FAM135B: variants seen among roughly 807,000 people sequenced by gnomAD.
FAM135B encodes family with sequence similarity 135 member B, also known as protein FAM135B.
A neutral mutation model predicts 127.7 loss-of-function variants in FAM135B; 43 were observed. The ratio of observed to expected loss-of-function variants is 0.34; its 90% CI spans 0.26 to 0.43. FAM135B has a LOEUF of 0.43. Ranked by LOEUF, FAM135B falls within the 20% of genes least tolerant of loss-of-function variation. The probability of loss-of-function intolerance (pLI) is 1.00; values close to 1 mark genes in which losing one functional copy is unlikely to be tolerated. For synonymous variants in FAM135B, 670 were observed against 665.1 expected (o/e 1.01, Z -0.11); for missense variants, 1,558 against 1,725.6 (o/e 0.90, Z 1.72).
intron 6 of FAM135B, among the ~76,000 whole-genome samples, chr8:138,250,600 A>G (rs1328295639): frequency 6.6e-6 from 1 of 152,154 alleles, no homozygotes; most frequent in Non-Finnish European, 1.5e-5. Context: ...CCAGACTCCA[A>G]GTCTTCCTGG....
At chr8:138,137,098 T>C (rs2130536962) in intron 19 of FAM135B, 49 bp downstream of exon 19, 1 of 962,162 alleles carries the variant, frequency 1.0e-6, no homozygotes, top group Non-Finnish European at 1.7e-6. Context: ...GAATTTACTT[T>C]TGCTTTTCAA....
chr8:138,392,911 G>A lies in FAM135B; in HGVS notation c.-19-24909C>T, dbSNP rs559271568. ...ATACTCCTTAATCGGTGTTGTATTA[G>A]TCTGTTTTCATGCTGCTGATAAAGG... On this transcript the variant is annotated intron_variant, in intron 1 of 19. Coordinates refer to ENST00000395297, the MANE Select transcript of FAM135B (RefSeq NM_015912.4). Among the ~76,000 whole-genome samples, 203 of 152,270 alleles carry A rather than the reference G, an allele frequency of 1.3e-3. 1 individual carries two copies. The highest frequency in any genetic ancestry group is 2.2e-3 in the Non-Finnish European group (152 of 68,026).
At position 138,141,457 on chromosome 8, in the gene FAM135B, G is replaced by A. The variant is rs1817140202; in HGVS notation, c.3639-108C>T. ...CATTGTTCTCCACCTCCCACTGAAT[G>A]TAGGGGAACTGGCAAAGAGAACAGG... On this transcript the variant is annotated intron_variant, in intron 16 of 19. Coordinates refer to ENST00000395297, the MANE Select transcript of FAM135B (RefSeq NM_015912.4). This position sits in a 1 kb window ranked among gnomAD's most constrained non-coding sequence, Gnocchi z 4.7. The A allele has an allele frequency of 8.8e-7, 1 of 1,132,210 alleles. No individual in the cohort carries two copies. Among genetic ancestry groups the A allele is most frequent in the Non-Finnish European group, 1.3e-6 (1 of 769,368 alleles). 70.1% of individuals were successfully genotyped at this position (1,132,210 alleles called of 1,614,324 possible). A position where few individuals can be genotyped will look rare whatever the true frequency, so the allele number is the denominator to read the frequency against.
At chr8:138,359,971 G>C (rs1830319140) in intron 2 of FAM135B, among the ~76,000 whole-genome samples, 1 of 152,104 alleles carries the variant, frequency 6.6e-6, no homozygotes, top group Non-Finnish European at 1.5e-5. Context: ...CATCAGCTCT[G>C]ATAATACTGA....
At chr8:138,188,992 A>G (rs1181576834) in intron 9 of FAM135B, among the ~76,000 whole-genome samples, 1 of 152,224 alleles carries the variant, frequency 6.6e-6, no homozygotes, top group Middle Eastern at 3.2e-3. Context: ...ACTGCTGCCC[A>G]AAGTAAGAAC....
At chr8:138,276,886 T>C (rs1823869780) in intron 3 of FAM135B, among the ~76,000 whole-genome samples, 1 of 152,280 alleles carries the variant, frequency 6.6e-6, no homozygotes, top group Non-Finnish European at 1.5e-5. Flanking sequence ...CCTCTAGCTA[T>C]GAATGATAGA....
At chr8:138,366,386 C>T (rs946325914) in intron 2 of FAM135B, among the ~76,000 whole-genome samples, 2 of 152,156 alleles carry the variant, frequency 1.3e-5, no homozygotes, top group Non-Finnish European at 2.9e-5. Context: ...AGCCTGGACT[C>T]AGGAGTACTG....
chr8:138,398,499 G>A (rs1482169599), intron 1 of FAM135B, among the ~76,000 whole-genome samples: 1 of 152,154 alleles, frequency 6.6e-6, no homozygotes, highest in African/African-American at 2.4e-5. Flanking sequence ...AGTGAGCCCT[G>A]GGCTTTAATA....
intron 2 of FAM135B, among the ~76,000 whole-genome samples, chr8:138,316,963 G>C (rs982331823): frequency 1.3e-5 from 2 of 149,816 alleles, no homozygotes; most frequent in African/African-American, 5.0e-5. Context: ...CTGGGGGACA[G>C]AGCAAGACTC....
At chr8:138,220,064 C>CACACACACACACAT (rs1353236501) in intron 7 of FAM135B, among the ~76,000 whole-genome samples, 1 of 150,152 alleles carries the variant, frequency 6.7e-6, no homozygotes, top group African/African-American at 2.5e-5. Context: ...CCTAAAATCA[C>CACACACACACACAT]ACACACACAC....
intron 4 of FAM135B, among the ~76,000 whole-genome samples, chr8:138,263,462 C>A (rs531404158): frequency 2.0e-5 from 3 of 152,298 alleles, no homozygotes; most frequent in African/African-American, 7.2e-5. Flanking sequence ...TCTCTTGGGG[C>A]ACATAGCAGG....
chr8:138,156,635 A>C, intron 12 of FAM135B, among the ~76,000 whole-genome samples: 1 of 152,186 alleles, frequency 6.6e-6, no homozygotes. Flanking sequence ...ATCCCACAGA[A>C]ATACAAACTA....
intron 3 of FAM135B, among the ~76,000 whole-genome samples, chr8:138,300,121 T>C (rs1049091347): frequency 6.6e-6 from 1 of 152,034 alleles, no homozygotes; most frequent in East Asian, 1.9e-4. Context: ...GCACTATTTT[T>C]TAAAGGGCTC....
chr8:138,236,598 C>CA (rs1297768483), intron 7 of FAM135B, among the ~76,000 whole-genome samples: 4 of 152,154 alleles, frequency 2.6e-5, no homozygotes, highest in African/African-American at 9.7e-5. Flanking sequence ...TGTGTGGCAG[C>CA]AGTGACATAC....
intron 1 of FAM135B, among the ~76,000 whole-genome samples, chr8:138,376,021 A>T (rs1403843228): frequency 1.3e-5 from 2 of 151,736 alleles, no homozygotes; most frequent in Non-Finnish European, 2.9e-5. Flanking sequence ...TGAAATGGAG[A>T]CTCACTCTGT....
At position 138,182,135 on chromosome 8, in the gene FAM135B, C is replaced by T. The variant is rs78509809; in HGVS notation, c.874-3445G>A. Among the ~76,000 whole-genome samples the T allele has an allele frequency of 5.7e-3, 861 of 152,264 alleles. 4 individuals carry two copies. The highest frequency in any genetic ancestry group is 0.019 in the African/African-American group (774 of 41,542). ...CAAACACAGCACGAATCCTGAGCTC[C>T]GCCACCAGAGTGAACAAGAGAAAAA... is the stretch of plus-strand genomic sequence containing the variant. On this transcript the variant is annotated intron_variant, in intron 9 of 19. Coordinates refer to ENST00000395297, the MANE Select transcript of FAM135B (RefSeq NM_015912.4).
At chr8:138,307,406 TC>T (rs2130875126) in intron 3 of FAM135B, among the ~76,000 whole-genome samples, 1 of 152,264 alleles carries the variant, frequency 6.6e-6, no homozygotes, top group South Asian at 2.1e-4. Flanking sequence ...TATGTCTTTA[TC>T]AGCAGCATGA....
intron 1 of FAM135B, among the ~76,000 whole-genome samples, chr8:138,434,035 T>G (rs1457012592): frequency 2.0e-5 from 3 of 152,208 alleles, no homozygotes; most frequent in African/African-American, 7.2e-5. Context: ...AAAAGCAGCA[T>G]TGACATTGCC....
chr8:138,239,520 G>C (rs1305864350), intron 7 of FAM135B, among the ~76,000 whole-genome samples: 2 of 152,300 alleles, frequency 1.3e-5, no homozygotes, highest in East Asian at 3.9e-4. Flanking sequence ...TGTTCACTCT[G>C]ATGGTAGTTT....
Sources: allele counts gnomAD v4.1 joint callset (sites outside exome capture counted in the v4.1 genomes callset), GRCh38; gene constraint gnomAD v4.1.1; non-coding constraint Gnocchi (gnomAD v3.1); transcripts MANE v1.5; gene names NCBI Gene and HGNC (gene_info 2026-07-23, HGNC 2026-07-21).